The following TRHDE variants were observed in gnomAD, a reference collection of about 807,000 sequenced individuals.
TRHDE encodes thyrotropin releasing hormone degrading enzyme, also known as thyrotropin-releasing hormone-degrading ectoenzyme.
Under a neutral mutation model 125.7 loss-of-function variants are expected in TRHDE, and 72 were observed. That is an observed-to-expected ratio of 0.57 (90% CI 0.47 to 0.70). The LOEUF is 0.70. Ranked by LOEUF, TRHDE falls within the 30% of genes least tolerant of loss-of-function variation. TRHDE has a pLI of 0.00. For synonymous variants in TRHDE, 509 were observed against 509.1 expected (o/e 1.00, Z 0.00); for missense variants, 1,110 against 1,327.1 (o/e 0.84, Z 2.54).
intron 2 of TRHDE, among the ~76,000 whole-genome samples, chr12:72,302,840 A>G (rs1868282827): frequency 6.6e-6 from 1 of 152,168 alleles, no homozygotes; most frequent in South Asian, 2.1e-4. Context: ...TCTCAAGCTC[A>G]AGCTCTTTTG....
At chr12:72,128,488 C>G (rs1374097575) in intron 2 of TRHDE, among the ~76,000 whole-genome samples, 1 of 152,112 alleles carries the variant, frequency 6.6e-6, no homozygotes, top group Non-Finnish European at 1.5e-5. Flanking sequence ...CAAGAACTGA[C>G]ACAGATGTTA....
At chr12:72,603,730 A>G (rs1448629618) in intron 12 of TRHDE, among the ~76,000 whole-genome samples, 2 of 150,648 alleles carry the variant, frequency 1.3e-5, no homozygotes, top group South Asian at 2.1e-4. Context: ...GTCTCAAAAC[A>G]AAAAACAAAA....
chr12:72,288,725 T>C (rs367720267), intron 2 of TRHDE, among the ~76,000 whole-genome samples: 3 of 152,166 alleles, frequency 2.0e-5, no homozygotes, highest in Non-Finnish European at 2.9e-5. Flanking sequence ...TAAACAATTA[T>C]GCTTGTTGCT....
rs545812996 is a variant in TRHDE, at chr12:72,363,043, T to C, written c.1189-14952T>C. Among the ~76,000 whole-genome samples the C allele has an allele frequency of 1.1e-3, 174 of 152,182 alleles. 1 individual carries two copies. The highest frequency in any genetic ancestry group is 3.9e-3 in the African/African-American group (162 of 41,526). ...TTTTGGCTTAGGATTGACTTGGCGA[T>C]GCAGGCTCTTTTTTGGTTCCATATG... On this transcript the variant is annotated intron_variant, in intron 2 of 18. Coordinates refer to ENST00000261180, the MANE Select transcript of TRHDE (RefSeq NM_013381.3).
intron 10 of TRHDE, among the ~76,000 whole-genome samples, chr12:72,573,564 T>C (rs1420370026): frequency 1.3e-5 from 2 of 151,874 alleles, no homozygotes; most frequent in Admixed American, 6.6e-5. Context: ...AGTAAGGAAA[T>C]TGAGGACCAA....
chr12:72,534,705 G>A (rs1868759935), intron 6 of TRHDE, among the ~76,000 whole-genome samples: 2 of 151,934 alleles, frequency 1.3e-5, no homozygotes, highest in South Asian at 2.1e-4. Context: ...AATTTTGATG[G>A]AAATATTATT....
At chr12:72,480,270 G>T (rs1375653470) in intron 5 of TRHDE, among the ~76,000 whole-genome samples, 5 of 150,380 alleles carry the variant, frequency 3.3e-5, no homozygotes, top group African/African-American at 9.9e-5. Flanking sequence ...CTAGTTTACA[G>T]TCCCACCAAC....
intron 10 of TRHDE, among the ~76,000 whole-genome samples, chr12:72,570,370 C>T (rs752427173): frequency 1.3e-5 from 2 of 152,104 alleles, no homozygotes; most frequent in Admixed American, 1.3e-4. Flanking sequence ...CACTTGAGAT[C>T]AGGAGTTTGA....
At chr12:72,089,422 T>C (rs1275171242) in intron 1 of TRHDE, among the ~76,000 whole-genome samples, 1 of 152,196 alleles carries the variant, frequency 6.6e-6, no homozygotes. Context: ...ATCCATACTC[T>C]CCTTACTTCT....
intron 2 of TRHDE, among the ~76,000 whole-genome samples, chr12:72,218,475 C>G (rs1877938265): frequency 6.6e-6 from 1 of 152,028 alleles, no homozygotes; most frequent in African/African-American, 2.4e-5. Flanking sequence ...TGAATAACCC[C>G]ATGTATTAGT....
chr12:72,353,966 A>G (rs1204853649), intron 2 of TRHDE, among the ~76,000 whole-genome samples: 1 of 151,754 alleles, frequency 6.6e-6, no homozygotes, highest in Non-Finnish European at 1.5e-5. Flanking sequence ...GATGATGCAC[A>G]TGGAGACGTG....
chr12:72,649,298 A>AGAT (rs1354536773), intron 15 of TRHDE, among the ~76,000 whole-genome samples: 1 of 152,062 alleles, frequency 6.6e-6, no homozygotes, highest in African/African-American at 2.4e-5. Flanking sequence ...AAAAAAAAAA[A>AGAT]GATAGTGTTT....
intron 2 of TRHDE, among the ~76,000 whole-genome samples, chr12:72,324,042 A>G (rs149826729): frequency 2.3e-4 from 35 of 152,222 alleles, no homozygotes; most frequent in African/African-American, 7.2e-4. Flanking sequence ...CAGTTTGTTC[A>G]ACACTTCCTG....
chr12:72,593,301 A>C (rs1218079850), intron 12 of TRHDE, among the ~76,000 whole-genome samples: 1 of 152,168 alleles, frequency 6.6e-6, no homozygotes, highest in Non-Finnish European at 1.5e-5. Flanking sequence ...AAGGTTCAGA[A>C]AGGGTAAACT....
chr12:72,665,205 T>G lies in TRHDE; in HGVS notation c.*2010T>G, dbSNP rs528239722. The stretch of plus-strand genomic sequence containing the variant: ...AATTAGAGGTGGATGTCTTGTTTTG[T>G]GTCATGAATTACTAAAATCTCTTAG... On this transcript the variant is annotated 3_prime_UTR_variant, in exon 19 of 19. Transcript: ENST00000261180. 4 of 152,340 alleles carry G rather than the reference T, an allele frequency of 2.6e-5. No individual in the cohort carries two copies. The South Asian group carries it at 8.3e-4, about 32-fold the overall frequency. The allele number at this position is 152,340 out of a possible 1,614,324, so 9.4% of individuals were successfully genotyped here.
intron 6 of TRHDE, among the ~76,000 whole-genome samples, chr12:72,541,742 C>A (rs1358313980): frequency 6.6e-6 from 1 of 151,298 alleles, no homozygotes; most frequent in Non-Finnish European, 1.5e-5. Flanking sequence ...GAGCAGAGAG[C>A]TGAAATATTC....
intron 2 of TRHDE, among the ~76,000 whole-genome samples, chr12:72,344,951 G>A (rs1051941859): frequency 7.9e-5 from 12 of 152,108 alleles, no homozygotes; most frequent in African/African-American, 2.4e-4. Flanking sequence ...TGGACTCTGG[G>A]CCTACTGTGT....
chr12:72,270,284 T>C (rs1879166443), upstream of TRHDE, among the ~76,000 whole-genome samples: 1 of 151,306 alleles, frequency 6.6e-6, no homozygotes, highest in Non-Finnish European at 1.5e-5. Flanking sequence ...ACATACAACA[T>C]GCTTAAAAAA....
intron 12 of TRHDE, among the ~76,000 whole-genome samples, chr12:72,577,044 TA>T (rs1871028497): frequency 6.6e-6 from 1 of 152,158 alleles, no homozygotes; most frequent in Non-Finnish European, 1.5e-5. Flanking sequence ...TGCTCTGCAG[TA>T]AAATCTGAAG....
Sources: allele counts gnomAD v4.1 joint callset (sites outside exome capture counted in the v4.1 genomes callset), GRCh38; gene constraint gnomAD v4.1.1; transcripts MANE v1.5; gene names NCBI Gene and HGNC (gene_info 2026-07-23, HGNC 2026-07-21).